FMO3: variants seen among roughly 807,000 people sequenced by gnomAD.
FMO3 encodes flavin containing dimethylaniline monoxygenase 3.
In FMO3, 40 loss-of-function variants were observed where a neutral mutation model predicts 39.4. The ratio of observed to expected loss-of-function variants is 1.02; its 90% confidence interval spans 0.79 to 1.32. The LOEUF (loss-of-function observed/expected upper bound fraction) is 1.32, where lower values mean the gene tolerates loss of function less well. Ranked by LOEUF, FMO3 falls within the 40% of genes most tolerant of loss-of-function variation. The pLI is 0.00. For missense variants in FMO3, 680 were observed against 651.8 expected, an observed-to-expected ratio of 1.04 and a Z score of -0.47; for synonymous variants, 219 against 228.8, an observed-to-expected ratio of 0.96 and a Z score of 0.39.
intron 1 of FMO3, among the ~76,000 whole-genome samples, chr1:171,092,092 T>C (rs1018392745): frequency 6.6e-6 from 1 of 152,152 alleles, no homozygotes; most frequent in East Asian, 1.9e-4. Context: ...AAGATAAATA[T>C]GTATGCTGGG....
At position 171,113,990 on chromosome 1, in the gene FMO3, C is replaced by T. The variant is rs764405642; in HGVS notation, c.828-17C>T. On this transcript the variant is annotated splice_polypyrimidine_tract_variant and intron_variant, in intron 6 of 8. Transcript: ENST00000367755. ...GAAATATTACACTTCCAATAATTGT[C>T]TCTGTTTTCCATACAGAGTCCTGAG... 1 of 1,483,050 alleles carries T rather than the reference C, an allele frequency of 6.7e-7. No individual in the cohort carries two copies. 91.9% of individuals were successfully genotyped at this position (1,483,050 alleles called of 1,614,324 possible). A position where few individuals can be genotyped will look rare whatever the true frequency, so the allele number is the denominator to read the frequency against.
At chr1:171,094,191 A>G (rs1188783201) in intron 2 of FMO3, among the ~76,000 whole-genome samples, 1 of 151,816 alleles carries the variant, frequency 6.6e-6, no homozygotes, top group Non-Finnish European at 1.5e-5. Context: ...TGCGGTTTTA[A>G]TTTGCATTTT....
At chr1:171,096,996 T>A (rs1381187413) in intron 2 of FMO3, among the ~76,000 whole-genome samples, 2 of 150,540 alleles carry the variant, frequency 1.3e-5, no homozygotes, top group African/African-American at 4.9e-5. Context: ...TGTGTCCAAG[T>A]GTTCTCATTG....
At position 171,116,191 on chromosome 1, in the gene FMO3, C is replaced by A. The variant is rs778266730; in HGVS notation, c.1184-17C>A. ...CCAGACTCATTAATTACCATCGTGT[C>A]TTTCCTTCTTTATCAGGAACTTGTA... is the stretch of plus-strand genomic sequence containing the variant. On this transcript the variant is annotated splice_polypyrimidine_tract_variant and intron_variant, in intron 7 of 8. Transcript: ENST00000367755. The A allele has an allele frequency of 6.5e-6, 10 of 1,538,704 alleles. No homozygotes were observed. The highest frequency in any genetic ancestry group is 1.4e-5 in the African/African-American group (1 of 73,368).
rs2101925617 is a variant in FMO3, at chr1:171,117,314, G to T, written c.1471G>T (p.Asp491Tyr). The change falls in exon 9 of 9, where the codon GAC becomes TAC. Residue 491 changes from aspartate (D) to tyrosine (Y), a missense_variant. By Grantham distance (160) the Asp-to-Tyr change is radical. Coordinates refer to ENST00000367755, the MANE Select transcript of FMO3 (RefSeq NM_001002294.3). ...GARNAILTQW[D>Y]RSLKPMQTRV... Reference sequence around the variant, plus strand: ...CAGAAATGCCATACTGACCCAGTGGGACCGGTCGTTGAAACCCATGCAGAC... The same window carrying T: ...CAGAAATGCCATACTGACCCAGTGGTACCGGTCGTTGAAACCCATGCAGAC... 6.2e-7 allele frequency: 1 copy of T among 1,614,064 alleles called. No individual in the cohort carries two copies. Among genetic ancestry groups the T allele is most frequent in the East Asian group, 2.2e-5 (1 of 44,880 alleles).
chr1:171,091,437 T>C (rs1195637937), intron 1 of FMO3, among the ~76,000 whole-genome samples: 1 of 150,290 alleles, frequency 6.7e-6, no homozygotes, highest in Non-Finnish European at 1.5e-5. Context: ...TGATTTTGTC[T>C]AAAAAGAAAA....
chr1:171,092,908 TG>T, intron 2 of FMO3, 118 bp downstream of exon 2: 1 of 1,093,576 alleles, frequency 9.1e-7, no homozygotes, highest in Non-Finnish European at 1.4e-6. Context: ...CTGTTAGAAT[TG>T]GAATCCACTA....
intron 6 of FMO3, among the ~76,000 whole-genome samples, chr1:171,112,713 C>T (rs1291655702): frequency 1.3e-5 from 2 of 152,142 alleles, no homozygotes; most frequent in East Asian, 3.9e-4. Flanking sequence ...AAACACAAGA[C>T]AGGAGGGAGG....
At chr1:171,114,401 T>C (rs377549018) in intron 7 of FMO3, 39 bp downstream of exon 7, 134 of 1,380,206 alleles carry the variant, frequency 9.7e-5, no homozygotes, top group Non-Finnish European at 1.2e-4. Context: ...CGAAGATGAA[T>C]GCCAGTGACA....
chr1:171,096,017 TATATATTA>T (rs1654977793), intron 2 of FMO3, among the ~76,000 whole-genome samples: 1 of 28,274 alleles, frequency 3.5e-5, no homozygotes, highest in African/African-American at 1.6e-4. Flanking sequence ...ATATACATAT[TATATATTA>T]ATATATAATA....
At chr1:171,111,878 A>G (rs532926513) in intron 6 of FMO3, among the ~76,000 whole-genome samples, 232 of 152,352 alleles carry the variant, frequency 1.5e-3, no homozygotes, top group Non-Finnish European at 2.6e-3. Context: ...GGAAACAGAC[A>G]AACAATAGCA....
At chr1:171,092,349 A>ACT (rs1654752139) in intron 1 of FMO3, among the ~76,000 whole-genome samples, 1 of 152,078 alleles carries the variant, frequency 6.6e-6, no homozygotes, top group African/African-American at 2.4e-5. Context: ...CCTCCTGAGT[A>ACT]GCTGGGAGTA....
intron 3 of FMO3, among the ~76,000 whole-genome samples, chr1:171,104,647 G>A (rs977949377): frequency 6.6e-6 from 1 of 152,158 alleles, no homozygotes; most frequent in Non-Finnish European, 1.5e-5. Context: ...GACAAGGCAG[G>A]CAGATTGCTT....
At chr1:171,103,736 A>G in intron 2 of FMO3, 49 bp from the exon 3 acceptor site, 1 of 1,441,512 alleles carries the variant, frequency 6.9e-7, no homozygotes, top group Non-Finnish European at 9.8e-7. Context: ...GACCATGATC[A>G]GTATACTCAT....
chr1:171,101,846 A>G (rs891031491), intron 2 of FMO3: 5 of 425,978 alleles, frequency 1.2e-5, no homozygotes, highest in African/African-American at 4.2e-5. Flanking sequence ...TCAGTAAATC[A>G]TATGAATTTT....
intron 2 of FMO3, among the ~76,000 whole-genome samples, chr1:171,096,025 A>ATAATATATATT (rs1491256935): frequency 0.017 from 791 of 45,944 alleles, 44 homozygotes; most frequent in African/African-American, 0.073. Flanking sequence ...ATTATATATT[A>ATAATATATATT]ATATATAATA....
At chr1:171,104,096 C>A in intron 3 of FMO3, 123 bp downstream of exon 3, 3 of 775,270 alleles carry the variant, frequency 3.9e-6, no homozygotes, top group Non-Finnish European at 6.6e-6. Flanking sequence ...AACAGTGTGG[C>A]CTCTCTAACT....
In FMO3 at chr1:171,107,842, G is replaced by A. The variant is rs748055020; in HGVS notation, c.484+5G>A. On this transcript the variant is annotated splice_donor_5th_base_variant and intron_variant, in intron 4 of 8. Coordinates refer to ENST00000367755, the MANE Select transcript of FMO3 (RefSeq NM_001002294.3). Reference sequence around the variant, plus strand: ...TACCAAAAGAGTCCTTTCCAGGTAAGGCCAAAATTTAAGCTGCTAGCCACA... The same window carrying A: ...TACCAAAAGAGTCCTTTCCAGGTAAAGCCAAAATTTAAGCTGCTAGCCACA... 5.0e-6 allele frequency: 8 copies of A among 1,613,554 alleles called. No homozygotes were observed. The highest frequency in any genetic ancestry group is 3.3e-5 in the South Asian group (3 of 91,064).
chr1:171,106,326 G>A lies in FMO3; in HGVS notation c.322-1349G>A, dbSNP rs189381958. ...CAACTAATTTTGTATTTTTAGTAGA[G>A]ATGGGGTTTCTCCATGTTGGTCAGG... On this transcript the variant is annotated intron_variant, in intron 3 of 8. Transcript: ENST00000367755. 3.7e-3 allele frequency among the ~76,000 whole-genome samples: 556 copies of A among 152,176 alleles called. 5 individuals are homozygous for A. Among genetic ancestry groups the A allele is most frequent in the Middle Eastern group, 3.4e-3 (1 of 294 alleles).
Sources: gnomAD v4.1 joint callset for allele counts (sites outside exome capture counted in the v4.1 genomes callset) on GRCh38, gnomAD v4.1.1 for gene constraint, MANE v1.5 for transcripts, NCBI Gene and HGNC (gene_info 2026-07-23, HGNC 2026-07-21) for gene names.